SLC6A16: variants seen among roughly 807,000 people sequenced by gnomAD.
The protein encoded by SLC6A16 is solute carrier family 6 member 16.
A neutral mutation model predicts 65.4 loss-of-function variants in SLC6A16; 54 were observed. The ratio of observed to expected loss-of-function variants is 0.83; its 90% confidence interval spans 0.66 to 1.04. SLC6A16 has a LOEUF of 1.04. Ranked by LOEUF, SLC6A16 falls within the 50% of genes least tolerant of loss-of-function variation. SLC6A16 has a pLI of 0.00. For missense variants in SLC6A16, 816 were observed against 914.0 expected (o/e 0.89, Z 1.38); for synonymous variants, 330 against 346.5 (o/e 0.95, Z 0.53).
At chr19:49,331,315 G>C in the SLC6A16 span, among the ~76,000 whole-genome samples, 1 of 152,140 alleles carries the variant, frequency 6.6e-6, no homozygotes, top group East Asian at 1.9e-4. Flanking sequence ...TGAGTAGCTG[G>C]GACTGTAGGT....
chr19:49,316,626 C>T (rs1314450859), intron 1 of SLC6A16, among the ~76,000 whole-genome samples: 1 of 152,194 alleles, frequency 6.6e-6, no homozygotes, highest in East Asian at 1.9e-4. Context: ...ATTCTATGAA[C>T]TCTTAAAATT....
chr19:49,315,872 G>C (rs951770128), intron 1 of SLC6A16, among the ~76,000 whole-genome samples: 10 of 151,826 alleles, frequency 6.6e-5, no homozygotes, highest in African/African-American at 2.2e-4. Context: ...AGTGAAGAAA[G>C]CTTGCCTTTT....
chr19:49,338,920 G>A, the SLC6A16 span: 2 of 1,613,054 alleles, frequency 1.2e-6, no homozygotes, highest in Non-Finnish European at 1.7e-6. This position sits in a 1 kb window ranked among gnomAD's most constrained non-coding sequence, Gnocchi z 5.0. Context: ...CCTGCAGAGA[G>A]CCACATCTAC....
the SLC6A16 span, chr19:49,338,058 G>A: frequency 6.2e-7 from 1 of 1,608,232 alleles, no homozygotes; most frequent in African/African-American, 1.3e-5. The surrounding 1 kb of genome is among the most constrained non-coding windows in gnomAD (Gnocchi z 5.0). Flanking sequence ...GTTCCCTCCC[G>A]GACTGACCCG....
chr19:49,294,000 A>C lies in SLC6A16; in HGVS notation c.1445T>G (p.Leu482Arg). 6.2e-7 allele frequency: 1 copy of C among 1,612,962 alleles called. No individual in the cohort carries two copies. The highest frequency in any genetic ancestry group is 8.5e-7 in the Non-Finnish European group (1 of 1,180,026). The change falls in exon 9 of 12, where the codon CTG becomes CGG. Residue 482 changes from leucine to arginine, a missense_variant. Coordinates refer to ENST00000335875, the MANE Select transcript of SLC6A16 (RefSeq NM_014037.3). The part of the protein sequence containing the change: ...KASEGPKFAF[L>R]SFVEAMSFLP... ...GAAGGACATGGCTTCAACAAAGGAC[A>C]GGAATGCAAACTTTGGGCCCTCGCT...
chr19:49,329,777 C>T (rs563055962), upstream of SLC6A16, among the ~76,000 whole-genome samples: 7 of 151,514 alleles, frequency 4.6e-5, no homozygotes, highest in South Asian at 2.1e-4. Context: ...GGACTACAGG[C>T]GCCCGCCACT....
Position 49,292,858 on chromosome 19 carries a change from A to C in SLC6A16, c.1778+365T>G, listed in dbSNP as rs1185953092. Reference sequence around the variant, plus strand: ...TGACTTGGTGCCCACACACACTCCCACTATGTGCCATCTGACCTCATCCTT... The same window carrying C: ...TGACTTGGTGCCCACACACACTCCCCCTATGTGCCATCTGACCTCATCCTT... On this transcript the variant is annotated intron_variant, in intron 10 of 11. Transcript: ENST00000335875. The surrounding 1 kb of genome is among the most constrained non-coding windows in gnomAD (Gnocchi z 4.3). Among the ~76,000 whole-genome samples, 1 of 152,098 alleles carries C rather than the reference A, an allele frequency of 6.6e-6. No individual in the cohort carries two copies. The highest frequency in any genetic ancestry group is 2.4e-5 in the African/African-American group (1 of 41,410).
rs776801542 is a variant in SLC6A16 at position 49,293,909 on chromosome 19, G to A, written c.1536C>T (p.Ser512=). 1.5e-5 allele frequency: 24 copies of A among 1,613,850 alleles called. No individual in the cohort carries two copies. Among genetic ancestry groups the A allele is most frequent in the East Asian group, 4.5e-5 (2 of 44,878 alleles). The change falls in exon 9 of 12, where the codon AGC becomes AGT. Residue 512 remains serine (S), a synonymous_variant. Coordinates refer to ENST00000335875, the MANE Select transcript of SLC6A16 (RefSeq NM_014037.3). ...TGATGCCCTGCATAATCCCTATTGC[G>A]CTGCTCAGCCCCATGGCCAGCAACA... is the stretch of plus-strand genomic sequence containing the variant. ...FLMLLAMGLS[S]AIGIMQGIIT... is the part of the protein sequence containing the mutation.
At chr19:49,339,226 C>G in the SLC6A16 span, 3 of 992,782 alleles carry the variant, frequency 3.0e-6, no homozygotes, top group South Asian at 1.4e-5. The surrounding 1 kb of genome is among the most constrained non-coding windows in gnomAD (Gnocchi z 4.5). Context: ...ACTAGGGGAG[C>G]GGGTAGATGC....
the SLC6A16 span, chr19:49,339,800 G>GGGGTGGCTGGGGCATGGC: frequency 1.3e-5 from 17 of 1,356,640 alleles, no homozygotes; most frequent in Non-Finnish European, 1.5e-5. The surrounding 1 kb of genome is among the most constrained non-coding windows in gnomAD (Gnocchi z 4.5). Context: ...GGCAGTCTGT[G>GGGGTGGCTGGGGCATGGC]GGGTGGCTGG....
the SLC6A16 span, chr19:49,332,371 A>G: frequency 9.1e-6 from 4 of 441,960 alleles, no homozygotes; most frequent in Admixed American, 9.7e-5. Context: ...CCTGGCCAAG[A>G]TGGTGAAACC....
upstream of SLC6A16, among the ~76,000 whole-genome samples, chr19:49,326,236 ATC>A (rs1018951598): frequency 3.3e-5 from 5 of 152,204 alleles, no homozygotes; most frequent in African/African-American, 1.2e-4. Flanking sequence ...ATTTTTGCAA[ATC>A]TCTCTAATGT....
At chr19:49,338,840 G>A in the SLC6A16 span, 2 of 1,614,160 alleles carry the variant, frequency 1.2e-6, no homozygotes, top group East Asian at 2.2e-5. This position sits in a 1 kb window ranked among gnomAD's most constrained non-coding sequence, Gnocchi z 5.0. Context: ...TAGATAAGGT[G>A]ATCTTGCCCC....
At chr19:49,312,166 A>C (rs1050916650) in intron 1 of SLC6A16, among the ~76,000 whole-genome samples, 4 of 152,128 alleles carry the variant, frequency 2.6e-5, no homozygotes, top group South Asian at 2.1e-4. Context: ...CTGAAATAAA[A>C]GGATTTCTAA....
At position 49,293,474 on chromosome 19, in the gene SLC6A16, C is replaced by A. The variant is rs1970119912; in HGVS notation, c.1619-92G>T. 3.9e-6 allele frequency: 5 copies of A among 1,290,084 alleles called. No homozygotes were observed. The African/African-American group carries it at 4.4e-5, about 11-fold the overall frequency. The allele number at this position is 1,290,084 out of a possible 1,614,324, so 79.9% of individuals were successfully genotyped here. On this transcript the variant is annotated intron_variant, in intron 9 of 11. Coordinates refer to ENST00000335875, the MANE Select transcript of SLC6A16 (RefSeq NM_014037.3). ...GCCATAGACCAGGGCTGGTGGCAGA[C>A]CCAGTGGTAGCCGGGCGAGGGGGCT...
chr19:49,312,682 G>C (rs1011212449), intron 1 of SLC6A16: 2 of 546,010 alleles, frequency 3.7e-6, no homozygotes, highest in African/African-American at 2.1e-5. Flanking sequence ...GTGGGGGAAG[G>C]AGCATGCTTT....
rs570891917 is a variant in SLC6A16, at chr19:49,293,817, G to A, written c.1618+10C>T. 3.7e-6 allele frequency: 6 copies of A among 1,612,272 alleles called. No homozygotes were observed. The East Asian group carries it at 1.3e-4, about 36-fold the overall frequency. ...GGTCATTGTTAGGAGTAGGGCCTAG[G>A]TCAGAGTACCTATGAGCAGCTTTGT... On this transcript the variant is annotated intron_variant, in intron 9 of 11. Transcript: ENST00000335875.
At chr19:49,313,965 G>A (rs1172582069) in intron 1 of SLC6A16, among the ~76,000 whole-genome samples, 2 of 151,884 alleles carry the variant, frequency 1.3e-5, no homozygotes, top group Non-Finnish European at 1.5e-5. Flanking sequence ...GCACAGTGGC[G>A]GGCGCCTGTA....
At position 49,293,979 on chromosome 19, in the gene SLC6A16, G is replaced by C; in HGVS notation, c.1466C>G (p.Ser489Cys). The change falls in exon 9 of 12, where the codon TCC becomes TGC. Residue 489 changes from serine (S) to cysteine (C), a missense_variant. Physicochemically the swap from Ser to Cys is moderately radical, Grantham distance 112. Transcript: ENST00000335875. ...FAFLSFVEAMSFLPPSVFWSF... is the reference protein window; with the variant it reads ...FAFLSFVEAMCFLPPSVFWSF... ...CCAGAAGACAGACGGAGGAAGGAAGGACATGGCTTCAACAAAGGACAGGAA... is the reference window on the plus strand; with the variant it reads ...CCAGAAGACAGACGGAGGAAGGAAGCACATGGCTTCAACAAAGGACAGGAA... The C allele has an allele frequency of 6.2e-7, 1 of 1,613,648 alleles. No homozygotes were observed. The highest frequency in any genetic ancestry group is 8.5e-7 in the Non-Finnish European group (1 of 1,180,028).
Sources: gnomAD v4.1 joint callset for allele counts (sites outside exome capture counted in the v4.1 genomes callset) on GRCh38, gnomAD v4.1.1 for gene constraint, Gnocchi (gnomAD v3.1) non-coding constraint, MANE v1.5 for transcripts, NCBI Gene and HGNC (gene_info 2026-07-23, HGNC 2026-07-21) for gene names.